Variants in CMIP observed in about 807,000 individuals in gnomAD.
The protein encoded by CMIP is c-Maf inducing protein.
CMIP carries 13 observed loss-of-function variants against 97.3 expected under a neutral mutation model. The ratio of observed to expected loss-of-function variants is 0.13; its 90% CI spans 0.09 to 0.21. CMIP has a LOEUF of 0.21. Among genes scored for constraint, CMIP ranks in the 10% least tolerant of loss-of-function variants. CMIP has a pLI of 1.00. For missense variants in CMIP, 847 were observed against 1,024.9 expected (o/e 0.83, Z 2.37); for synonymous variants, 538 against 436.3 (o/e 1.23, Z -2.91).
At position 81,693,616 on chromosome 16, in the gene CMIP, G is replaced by A. The variant is rs548401120; in HGVS notation, c.1530+129G>A. ...AACAGCTTTCAGAGACCCATTGCCT[G>A]TGTATAAACACATCCCCGCCTGGTG... On this transcript the variant is annotated intron_variant, in intron 13 of 20. Coordinates refer to ENST00000537098, the MANE Select transcript of CMIP (RefSeq NM_198390.3). The A allele has an allele frequency of 1.5e-4, 144 of 983,670 alleles. No individual in the cohort carries two copies. The African/African-American group carries it at 1.9e-3, about 13-fold the overall frequency. The allele number at this position is 983,670 out of a possible 1,614,324, so 60.9% of individuals were successfully genotyped here. A position where few individuals can be genotyped will look rare whatever the true frequency, so the allele number is the denominator to read the frequency against.
intron 1 of CMIP, among the ~76,000 whole-genome samples, chr16:81,502,304 T>C (rs1040415410): frequency 1.3e-5 from 2 of 152,236 alleles, no homozygotes; most frequent in African/African-American, 4.8e-5. Context: ...TTTACACTTG[T>C]AGTCCTAGTA....
At chr16:81,493,236 C>A (rs552209924) in intron 1 of CMIP, among the ~76,000 whole-genome samples, 1 of 152,152 alleles carries the variant, frequency 6.6e-6, no homozygotes, top group African/African-American at 2.4e-5. Context: ...AGGGCCCTCC[C>A]CCAGCATCAG....
At chr16:81,638,521 G>T (rs1294475121) in intron 3 of CMIP, among the ~76,000 whole-genome samples, 1 of 151,988 alleles carries the variant, frequency 6.6e-6, no homozygotes, top group East Asian at 1.9e-4. Flanking sequence ...CCTTATCAAG[G>T]CCAGAGCATA....
chr16:81,693,593 C>G lies in CMIP; in HGVS notation c.1530+106C>G, dbSNP rs527568425. 29 of 1,253,932 alleles carry G rather than the reference C, an allele frequency of 2.3e-5. No homozygotes were observed. The South Asian group carries it at 3.8e-4, about 16-fold the overall frequency. The allele number at this position is 1,253,932 out of a possible 1,614,324, so 77.7% of individuals were successfully genotyped here. A position where few individuals can be genotyped will look rare whatever the true frequency, so the allele number is the denominator to read the frequency against. The stretch of plus-strand genomic sequence containing the variant: ...GCTTGTCACCAACAGGCATTCAGAA[C>G]AGCTTTCAGAGACCCATTGCCTGTG... On this transcript the variant is annotated intron_variant, in intron 13 of 20. Transcript: ENST00000537098.
chr16:81,709,628 C>G (rs1186630076), intron 20 of CMIP, 118 bp from the exon 21 acceptor site: 3 of 1,148,508 alleles, frequency 2.6e-6, no homozygotes, highest in East Asian at 5.1e-5. Context: ...GCCCACAGCA[C>G]CAAGGTGGGG....
chr16:81,509,061 A>C (rs1252625543), intron 1 of CMIP, among the ~76,000 whole-genome samples: 1 of 152,148 alleles, frequency 6.6e-6, no homozygotes, highest in African/African-American at 2.4e-5. Flanking sequence ...GGAATCATTC[A>C]TTTTATTTTT....
chr16:81,552,174 C>T (rs2090672424), intron 1 of CMIP, among the ~76,000 whole-genome samples: 1 of 152,190 alleles, frequency 6.6e-6, no homozygotes, highest in South Asian at 2.1e-4. Flanking sequence ...AGTTGGAATC[C>T]TCCCCATACG....
chr16:81,664,517 A>G, intron 7 of CMIP, 168 bp downstream of exon 7: 2 of 577,132 alleles, frequency 3.5e-6, no homozygotes, highest in East Asian at 3.0e-5. Flanking sequence ...GGTTTTGTAC[A>G]GCTTGTCCTC....
At chr16:81,604,292 A>C (rs1372963345) in intron 1 of CMIP, among the ~76,000 whole-genome samples, 1 of 149,306 alleles carries the variant, frequency 6.7e-6, no homozygotes, top group African/African-American at 2.5e-5. Flanking sequence ...GCTACTCAGG[A>C]GGCTGAGGCA....
chr16:81,599,673 G>T (rs568019107), intron 1 of CMIP, among the ~76,000 whole-genome samples: 3 of 152,306 alleles, frequency 2.0e-5, no homozygotes, highest in African/African-American at 4.8e-5. Flanking sequence ...GATGGAAGTT[G>T]CTGTCTTGGG....
At chr16:81,703,875 G>A (rs1214460118) in intron 17 of CMIP, 64 bp from the exon 18 acceptor site, 44 of 1,532,734 alleles carry the variant, frequency 2.9e-5, no homozygotes, top group Non-Finnish European at 3.5e-5. Context: ...ATAGGGGATA[G>A]GAGGGCTCAG....
At position 81,709,994 on chromosome 16, in the gene CMIP, T is replaced by C; in HGVS notation, c.*195T>C. Reference sequence around the variant, plus strand: ...CACGCCCAGCCCCCGCCGAATTCTTTTAGCTTCGTAATTGGAACCTTTGAC... The same window carrying C: ...CACGCCCAGCCCCCGCCGAATTCTTCTAGCTTCGTAATTGGAACCTTTGAC... On this transcript the variant is annotated 3_prime_UTR_variant, in exon 21 of 21. Transcript: ENST00000537098. 2 of 591,226 alleles carry C rather than the reference T, an allele frequency of 3.4e-6. No individual in the cohort carries two copies. The highest frequency in any genetic ancestry group is 3.0e-6 in the Non-Finnish European group (1 of 333,840). 36.6% of individuals were successfully genotyped at this position (591,226 alleles called of 1,614,324 possible). A position where few individuals can be genotyped will look rare whatever the true frequency, so the allele number is the denominator to read the frequency against.
intron 1 of CMIP, among the ~76,000 whole-genome samples, chr16:81,446,565 T>A (rs1046546895): frequency 2.6e-5 from 4 of 152,012 alleles, no homozygotes; most frequent in Non-Finnish European, 5.9e-5. Flanking sequence ...GGGTGTAGCT[T>A]GTCTTCCCCA....
intron 3 of CMIP, among the ~76,000 whole-genome samples, chr16:81,629,060 C>T (rs776919314): frequency 3.5e-5 from 5 of 142,268 alleles, no homozygotes; most frequent in Admixed American, 7.6e-5. Flanking sequence ...CGCTTGAACC[C>T]GGGAGGCGGA....
At position 81,696,648 on chromosome 16, in the gene CMIP, G is replaced by A. The variant is rs1445928720; in HGVS notation, c.1619G>A (p.Gly540Glu). ...GGAGGGGTGGCCTGCGACGATGACG[G>A]GGAGCTGTTCGCCAGCATGGTACGC... ...SPGGVACDDD[G>E]ELFASMVHIL... The change falls in exon 14 of 21, where the codon GGG (glycine) becomes GAG (glutamate). Residue 540 changes from glycine to glutamate, a missense_variant. Physicochemically the swap from Gly to Glu is moderately conservative, Grantham distance 98. Coordinates refer to ENST00000537098, the MANE Select transcript of CMIP (RefSeq NM_198390.3). The A allele has an allele frequency of 1.2e-6, 2 of 1,606,548 alleles. No individual in the cohort carries two copies. The highest frequency in any genetic ancestry group is 2.7e-5 in the African/African-American group (2 of 74,934).
chr16:81,530,404 G>A (rs1358322846), intron 1 of CMIP, among the ~76,000 whole-genome samples: 1 of 152,122 alleles, frequency 6.6e-6, no homozygotes, highest in East Asian at 1.9e-4. Context: ...GCAAGGTGGG[G>A]TGTGTAGTGA....
chr16:81,492,137 C>T (rs769671131), intron 1 of CMIP, among the ~76,000 whole-genome samples: 11 of 152,156 alleles, frequency 7.2e-5, no homozygotes, highest in East Asian at 1.9e-4. Context: ...GGAGATTAGT[C>T]GGCCACAGGG....
At chr16:81,519,713 C>T (rs186332822) in intron 1 of CMIP, 1 of 152,292 alleles carries the variant, frequency 6.6e-6, no homozygotes, top group Admixed American at 6.5e-5. Context: ...ATGAAACAGC[C>T]AGCATTTTAC....
intron 1 of CMIP, among the ~76,000 whole-genome samples, chr16:81,581,274 G>A (rs1013844581): frequency 6.6e-6 from 1 of 152,174 alleles, no homozygotes; most frequent in African/African-American, 2.4e-5. Context: ...GTTTCACGAT[G>A]GGGATACGTT....
Sources: gnomAD v4.1 joint callset for allele counts (sites outside exome capture counted in the v4.1 genomes callset) on GRCh38, gnomAD v4.1.1 for gene constraint, MANE v1.5 for transcripts, NCBI Gene and HGNC (gene_info 2026-07-23, HGNC 2026-07-21) for gene names.